GRID1: variants seen among roughly 807,000 people sequenced by gnomAD.
GRID1 encodes the protein glutamate ionotropic receptor delta type subunit 1.
Under a neutral mutation model 98.0 loss-of-function variants are expected in GRID1, and 28 were observed. That is an observed-to-expected ratio of 0.29 (90% CI 0.21 to 0.39). The LOEUF is 0.39. Ranked by LOEUF, GRID1 falls within the 10% of genes least tolerant of loss-of-function variation. The pLI is 1.00. For missense variants in GRID1, 1,111 were observed against 1,340.5 expected, an observed-to-expected ratio of 0.83 and a Z score of 2.67; for synonymous variants, 553 against 538.5, an observed-to-expected ratio of 1.03 and a Z score of -0.37.
At chr10:85,747,264 G>A (rs542894021) in intron 8 of GRID1, among the ~76,000 whole-genome samples, 11 of 152,120 alleles carry the variant, frequency 7.2e-5, no homozygotes, top group Non-Finnish European at 1.0e-4. Context: ...TAGGCATTTC[G>A]TTATTTAATG....
At chr10:85,863,021 C>T (rs1271399951) in intron 6 of GRID1, among the ~76,000 whole-genome samples, 2 of 152,190 alleles carry the variant, frequency 1.3e-5, no homozygotes, top group Admixed American at 6.5e-5. Context: ...AGCTACAATG[C>T]AAATGCCCCA....
intron 2 of GRID1, chr10:86,264,665 AGAGAG>A (rs1564723203): frequency 2.1e-6 from 1 of 468,308 alleles, no homozygotes; most frequent in Non-Finnish European, 4.4e-6. Flanking sequence ...GTCTGTAACC[AGAGAG>A]AAGAGCCATG....
chr10:85,632,075 A>G (rs1842981976), intron 13 of GRID1, among the ~76,000 whole-genome samples: 1 of 152,134 alleles, frequency 6.6e-6, no homozygotes, highest in Non-Finnish European at 1.5e-5. Context: ...TCTGGCATAG[A>G]GTTGGTGCTA....
intron 12 of GRID1, among the ~76,000 whole-genome samples, chr10:85,685,398 A>C (rs750088537): frequency 6.6e-6 from 1 of 152,192 alleles, no homozygotes; most frequent in Non-Finnish European, 1.5e-5. Flanking sequence ...GAGATAAGTT[A>C]AATTGAGAAA....
At chr10:85,777,580 G>T (rs1842343811) in intron 8 of GRID1, among the ~76,000 whole-genome samples, 1 of 152,194 alleles carries the variant, frequency 6.6e-6, no homozygotes, top group Admixed American at 6.5e-5. Context: ...TTTCTTTGAA[G>T]TTCTCATCAT....
At chr10:86,062,623 C>T (rs1296624231) in intron 4 of GRID1, among the ~76,000 whole-genome samples, 3 of 152,188 alleles carry the variant, frequency 2.0e-5, no homozygotes, top group African/African-American at 7.2e-5. Flanking sequence ...TACAAAGTAC[C>T]TGGTGGAGTC....
intron 2 of GRID1, among the ~76,000 whole-genome samples, chr10:86,212,915 G>T (rs1846126539): frequency 6.6e-6 from 1 of 152,116 alleles, no homozygotes; most frequent in Non-Finnish European, 1.5e-5. Flanking sequence ...TGGGGGGATG[G>T]GTGGTGGTGC....
At chr10:85,649,851 C>T (rs145345981) in intron 12 of GRID1, among the ~76,000 whole-genome samples, 2 of 152,146 alleles carry the variant, frequency 1.3e-5, no homozygotes, top group Non-Finnish European at 2.9e-5. Context: ...AATGCCACCC[C>T]CATCTTCTTT....
At chr10:85,736,702 T>C (rs371787163) in intron 8 of GRID1, among the ~76,000 whole-genome samples, 1 of 152,086 alleles carries the variant, frequency 6.6e-6, no homozygotes, top group African/African-American at 2.4e-5. Flanking sequence ...GGGCTCAGAG[T>C]ATGTTTCAAA....
intron 4 of GRID1, among the ~76,000 whole-genome samples, chr10:85,963,464 A>T (rs1241558154): frequency 6.6e-6 from 1 of 152,066 alleles, no homozygotes; most frequent in Non-Finnish European, 1.5e-5. Context: ...GCTCACTTCC[A>T]TCTGAACAAG....
intron 8 of GRID1, among the ~76,000 whole-genome samples, chr10:85,825,410 G>A (rs1029695151): frequency 2.7e-5 from 4 of 149,856 alleles, no homozygotes; most frequent in African/African-American, 9.8e-5. Flanking sequence ...TGATTTATTT[G>A]AGCTTCTTGT....
At chr10:85,912,669 G>C (rs899542193) in intron 5 of GRID1, among the ~76,000 whole-genome samples, 2 of 152,214 alleles carry the variant, frequency 1.3e-5, no homozygotes, top group Non-Finnish European at 2.9e-5. Context: ...ACCTGAGCTT[G>C]TTTGAGGAAC....
chr10:85,876,197 C>A (rs1295811028), intron 5 of GRID1, among the ~76,000 whole-genome samples: 1 of 151,934 alleles, frequency 6.6e-6, no homozygotes, highest in African/African-American at 2.4e-5. Context: ...TATCATATTT[C>A]TGGAGACCAT....
At chr10:85,671,847 G>A (rs1364951362) in intron 12 of GRID1, among the ~76,000 whole-genome samples, 1 of 152,234 alleles carries the variant, frequency 6.6e-6, no homozygotes, top group Non-Finnish European at 1.5e-5. Context: ...TACTGATATG[G>A]AGAAAGTTTT....
intron 13 of GRID1, 84 bp downstream of exon 13, chr10:85,647,118 C>T (rs537752879): frequency 1.9e-6 from 2 of 1,046,776 alleles, no homozygotes; most frequent in South Asian, 2.8e-5. Context: ...GAGGCAGATG[C>T]CCCTGGAGGT....
At chr10:86,309,424 AT>A (rs1847802490) in intron 2 of GRID1, among the ~76,000 whole-genome samples, 1 of 152,216 alleles carries the variant, frequency 6.6e-6, no homozygotes, top group Admixed American at 6.5e-5. Flanking sequence ...AGGGAGTTAA[AT>A]GGTGGGCCAA....
chr10:85,603,651 G>A (rs1444852831), intron 15 of GRID1, among the ~76,000 whole-genome samples: 1 of 152,226 alleles, frequency 6.6e-6, no homozygotes, highest in East Asian at 1.9e-4. Context: ...CTTCCCCGCT[G>A]TGAGGTGGGC....
rs553715492 is a variant in GRID1, at chr10:86,140,931, C to A, written c.521-1907G>T. Among the ~76,000 whole-genome samples the A allele has an allele frequency of 7.0e-4, 106 of 152,276 alleles. 2 individuals are homozygous for A. The South Asian group carries it at 0.018, about 25-fold the overall frequency. ...GGGCACAGCAGCATACAAATGAGAA[C>A]CCTGGGGGCTCTCTAGAGATGGCAA... On this transcript the variant is annotated intron_variant, in intron 3 of 15. Coordinates refer to ENST00000327946, the MANE Select transcript of GRID1 (RefSeq NM_017551.3).
At chr10:86,034,453 G>C (rs865947994) in intron 4 of GRID1, among the ~76,000 whole-genome samples, 1 of 152,150 alleles carries the variant, frequency 6.6e-6, no homozygotes, top group African/African-American at 2.4e-5. Flanking sequence ...GGTGGGTTTA[G>C]CTGTCTCCAT....
Sources: gnomAD v4.1 joint callset for allele counts (sites outside exome capture counted in the v4.1 genomes callset) on GRCh38, gnomAD v4.1.1 for gene constraint, MANE v1.5 for transcripts, NCBI Gene and HGNC (gene_info 2026-07-23, HGNC 2026-07-21) for gene names.